The following CPB2 variants were observed in gnomAD, a reference collection of about 807,000 sequenced individuals.
The protein encoded by CPB2 is carboxypeptidase B-like protein.
A neutral mutation model predicts 57.0 loss-of-function variants in CPB2; 54 were observed. The observed-to-expected ratio is 0.95, with a 90% CI of 0.76 to 1.19. The LOEUF (loss-of-function observed/expected upper bound fraction) is 1.19, where lower values mean the gene tolerates loss of function less well. Ranked by LOEUF, CPB2 falls within the 50% of genes most tolerant of loss-of-function variation. CPB2 has a pLI of 0.00. For missense variants in CPB2, 426 were observed against 512.0 expected (o/e 0.83, Z 1.62); for synonymous variants, 189 against 178.1 (o/e 1.06, Z -0.49).
intron 1 of CPB2, among the ~76,000 whole-genome samples, chr13:46,098,026 C>T (rs2045389560): frequency 1.3e-5 from 2 of 152,114 alleles, no homozygotes; most frequent in African/African-American, 4.8e-5. Context: ...TAATTGACTC[C>T]AATAATCAGA....
At chr13:46,100,280 A>G (rs1034663646) in intron 1 of CPB2, 2 of 152,212 alleles carry the variant, frequency 1.3e-5, no homozygotes, top group Admixed American at 6.5e-5. Context: ...ATTTATTGAT[A>G]TGTCCAAGTT....
chr13:46,064,807 A>G lies in CPB2; in HGVS notation c.703-66T>C. The stretch of plus-strand genomic sequence containing the variant: ...GTTCAAGGCCTGAGGAAAGACATGC[A>G]TTTGAAAGTCCATGAAGCCAGAATT... On this transcript the variant is annotated intron_variant, in intron 7 of 10. Transcript: ENST00000181383. The G allele has an allele frequency of 3.1e-6, 4 of 1,290,214 alleles. No homozygotes were observed. In the South Asian group the frequency reaches 4.8e-5, roughly 16 times the overall value. 79.9% of individuals were successfully genotyped at this position (1,290,214 alleles called of 1,614,324 possible). A position where few individuals can be genotyped will look rare whatever the true frequency, so the allele number is the denominator to read the frequency against.
Position 46,055,708 on chromosome 13 carries a change from A to C in CPB2, c.1087+54T>G. 3.8e-6 allele frequency: 4 copies of C among 1,059,480 alleles called. No individual in the cohort carries two copies. In the Admixed American group the frequency reaches 8.3e-5, roughly 22 times the overall value. The allele number at this position is 1,059,480 out of a possible 1,614,324, so 65.6% of individuals were successfully genotyped here. ...AAATACACAAAGAAAAACAGATCACACAGATTTCTTTAGTAGCTCAAAGTT... is the reference window on the plus strand; with the variant it reads ...AAATACACAAAGAAAAACAGATCACCCAGATTTCTTTAGTAGCTCAAAGTT... On this transcript the variant is annotated intron_variant, in intron 10 of 10. Transcript: ENST00000181383.
intron 1 of CPB2, 124 bp downstream of exon 1, chr13:46,104,812 T>A: frequency 9.2e-7 from 1 of 1,092,306 alleles, no homozygotes. Flanking sequence ...CTTGGAAAGT[T>A]CTGAAAGACC....
At chr13:46,084,738 T>C (rs2039877749) in intron 2 of CPB2, among the ~76,000 whole-genome samples, 1 of 152,030 alleles carries the variant, frequency 6.6e-6, no homozygotes, top group South Asian at 2.1e-4. Context: ...AATAAAAATT[T>C]CATGTTCTTG....
intron 1 of CPB2, chr13:46,099,243 G>A (rs544829944): frequency 6.6e-6 from 1 of 152,084 alleles, no homozygotes; most frequent in Non-Finnish European, 1.5e-5. Context: ...GATCCAGCTG[G>A]GCAGAAATAT....
intron 7 of CPB2, 49 bp from the exon 8 acceptor site, chr13:46,064,790 C>G (rs181702208): frequency 6.8e-7 from 1 of 1,462,916 alleles, no homozygotes; most frequent in Non-Finnish European, 9.6e-7. Flanking sequence ...ACGTTCAAGG[C>G]CTGAGGAAAG....
At chr13:46,064,995 G>C (rs1043611082) in intron 7 of CPB2, among the ~76,000 whole-genome samples, 1 of 152,166 alleles carries the variant, frequency 6.6e-6, no homozygotes, top group African/African-American at 2.4e-5. Flanking sequence ...AATTTTGACT[G>C]ATACAAATAA....
At chr13:46,068,681 C>A (rs1318329694) in intron 6 of CPB2, among the ~76,000 whole-genome samples, 5 of 152,068 alleles carry the variant, frequency 3.3e-5, no homozygotes, top group Non-Finnish European at 5.9e-5. Context: ...TCCTAATGCT[C>A]TCCCTCCCCT....
chr13:46,064,956 T>C (rs2044831390), intron 7 of CPB2, among the ~76,000 whole-genome samples: 1 of 152,228 alleles, frequency 6.6e-6, no homozygotes, highest in Non-Finnish European at 1.5e-5. Flanking sequence ...CTATTTTAGT[T>C]GAACCAAACA....
chr13:46,085,303 G>A (rs1240866129), intron 2 of CPB2, among the ~76,000 whole-genome samples: 1 of 152,188 alleles, frequency 6.6e-6, no homozygotes, highest in Non-Finnish European at 1.5e-5. Flanking sequence ...ACAAGAACTA[G>A]AATTCTAAAT....
In CPB2 at chr13:46,070,740, G is replaced by A. The variant is rs75505867; in HGVS notation, c.591+3133C>T. ...TTACAAATATATCAGAGAGCTATCC[G>A]TCTCAGTTTTTACTCCAATCTCTAT... On this transcript the variant is annotated intron_variant, in intron 6 of 10. Transcript: ENST00000181383. 8.8e-3 allele frequency among the ~76,000 whole-genome samples: 1,341 copies of A among 152,230 alleles called. 24 individuals are homozygous for A. Among genetic ancestry groups the A allele is most frequent in the African/African-American group, 0.03 (1,227 of 41,528 alleles).
At chr13:46,091,704 G>A (rs2045295217) in intron 1 of CPB2, among the ~76,000 whole-genome samples, 1 of 152,182 alleles carries the variant, frequency 6.6e-6, no homozygotes, top group African/African-American at 2.4e-5. Flanking sequence ...TTTCTATTTT[G>A]CAACTGTTGC....
chr13:46,097,760 A>C (rs1256186561), intron 1 of CPB2, among the ~76,000 whole-genome samples: 1 of 152,224 alleles, frequency 6.6e-6, no homozygotes, highest in South Asian at 2.1e-4. Flanking sequence ...CCTACTAGGT[A>C]GTATACATGG....
chr13:46,091,924 A>C (rs943697066), intron 1 of CPB2, among the ~76,000 whole-genome samples: 1 of 152,232 alleles, frequency 6.6e-6, no homozygotes, highest in Non-Finnish European at 1.5e-5. Flanking sequence ...GGACTCTGTT[A>C]ACGGCAATGG....
chr13:46,097,801 T>C (rs185432892), intron 1 of CPB2, among the ~76,000 whole-genome samples: 67 of 152,332 alleles, frequency 4.4e-4, no homozygotes, highest in African/African-American at 1.6e-3. Context: ...TGTTTCCATA[T>C]ACCGTCACTC....
Position 46,058,180 on chromosome 13 carries a change from A to C in CPB2, c.998T>G (p.Leu333Arg). ...TRSKSKDHEELSLVASEAVRA... is the reference protein window; with the variant it reads ...TRSKSKDHEERSLVASEAVRA... ...GAAAAATAATTAAGTAGCACTTACC[A>C]GTTCCTCATGGTCTTTGCTTTTACT... The change falls in exon 9 of 11, where the codon CTG (leucine) becomes CGG (arginine). Residue 333 changes from leucine to arginine, a missense_variant and splice_region_variant. Leu to Arg is a moderately radical substitution (Grantham distance 102). Coordinates refer to ENST00000181383, the MANE Select transcript of CPB2 (RefSeq NM_001872.5). The C allele has an allele frequency of 6.2e-7, 1 of 1,609,338 alleles. No homozygotes were observed. Among genetic ancestry groups the C allele is most frequent in the Non-Finnish European group, 8.5e-7 (1 of 1,175,936 alleles).
intron 10 of CPB2, among the ~76,000 whole-genome samples, chr13:46,054,657 A>G (rs2044668686): frequency 6.6e-6 from 1 of 152,044 alleles, no homozygotes; most frequent in South Asian, 2.1e-4. Flanking sequence ...ACAGTTTGGG[A>G]AGCATCTCAT....
At chr13:46,099,728 A>G (rs956062578) in intron 1 of CPB2, 2 of 152,210 alleles carry the variant, frequency 1.3e-5, no homozygotes, top group African/African-American at 4.8e-5. Flanking sequence ...ATAATCTATT[A>G]TATTGAAAAT....
Sources: gnomAD v4.1 joint callset for allele counts (sites outside exome capture counted in the v4.1 genomes callset) on GRCh38, gnomAD v4.1.1 for gene constraint, MANE v1.5 for transcripts, NCBI Gene and HGNC (gene_info 2026-07-23, HGNC 2026-07-21) for gene names.